MCF2L2: variants seen among roughly 807,000 people sequenced by gnomAD.
MCF2L2 encodes the protein probable guanine nucleotide exchange factor MCF2L2.
Under a neutral mutation model 150.2 loss-of-function variants are expected in MCF2L2, and 102 were observed. The observed-to-expected ratio is 0.68, with a 90% confidence interval of 0.58 to 0.80. The LOEUF (loss-of-function observed/expected upper bound fraction) is 0.80. Among genes scored for constraint, MCF2L2 ranks in the 30% least tolerant of loss-of-function variants. The pLI is 0.00. For missense variants in MCF2L2, 1,256 were observed against 1,372.8 expected (o/e 0.91, Z 1.34); for synonymous variants, 465 against 491.3 (o/e 0.95, Z 0.71).
intron 1 of MCF2L2, among the ~76,000 whole-genome samples, chr3:183,410,941 G>A (rs1163283887): frequency 3.9e-5 from 6 of 152,190 alleles, no homozygotes; most frequent in Admixed American, 3.9e-4. Flanking sequence ...ACCAGAGAGA[G>A]AACAGCTGTC....
intron 3 of MCF2L2, chr3:183,372,179 C>T (rs1712928680): frequency 6.6e-6 from 1 of 152,106 alleles, no homozygotes; most frequent in African/African-American, 2.4e-5. Context: ...GCCCAGATTG[C>T]ACTCACTTCT....
intron 10 of MCF2L2, among the ~76,000 whole-genome samples, chr3:183,309,078 G>C (rs1729237675): frequency 6.6e-6 from 1 of 152,186 alleles, no homozygotes; most frequent in Non-Finnish European, 1.5e-5. Context: ...ATGCTGACTT[G>C]TGTGCGGATC....
At chr3:183,330,440 T>G (rs1340758145) in intron 5 of MCF2L2, among the ~76,000 whole-genome samples, 1 of 150,854 alleles carries the variant, frequency 6.6e-6, no homozygotes. Context: ...TATGACTCTC[T>G]GCAAAAAGGC....
chr3:183,335,917 G>A (rs1730460503), intron 5 of MCF2L2, among the ~76,000 whole-genome samples: 2 of 152,110 alleles, frequency 1.3e-5, no homozygotes, highest in South Asian at 2.1e-4. Context: ...TGCTTCTTTT[G>A]CTCTTCCATT....
chr3:183,207,616 T>C lies in MCF2L2; in HGVS notation c.2704A>G (p.Thr902Ala), dbSNP rs6804951. Residue 902 changes from threonine to alanine, a missense_variant, in exon 23 of 30, where the codon ACC (threonine) becomes GCC (alanine). By Grantham distance (58) the Thr-to-Ala change is moderately conservative. Transcript: ENST00000328913. ...AATAGGACTCCCTTTACCTTCATGG[T>C]CTTCTTGAAGCTGTAATGAGGAGAT... ...GLSPHYSFKK[T>A]MKLMTLSIRQ... 1,490,264 of 1,612,398 alleles carry C rather than the reference T, an allele frequency of 0.92. 689,785 individuals are homozygous for C. The highest frequency in any genetic ancestry group is 1 in the East Asian group (44,877 of 44,882).
intron 3 of MCF2L2, among the ~76,000 whole-genome samples, chr3:183,353,834 G>T (rs776116889): frequency 5.3e-5 from 8 of 152,130 alleles, no homozygotes; most frequent in Admixed American, 1.3e-4. Flanking sequence ...AGGGTGTCCA[G>T]AAAATAAGGC....
chr3:183,185,404 C>T (rs576360262), intron 27 of MCF2L2, among the ~76,000 whole-genome samples: 4 of 152,346 alleles, frequency 2.6e-5, no homozygotes, highest in South Asian at 2.1e-4. Context: ...GAGATCTAGG[C>T]GCAAGCCTAA....
chr3:183,413,986 T>C (rs1006698282), intron 1 of MCF2L2, among the ~76,000 whole-genome samples: 1 of 152,204 alleles, frequency 6.6e-6, no homozygotes, highest in Non-Finnish European at 1.5e-5. Flanking sequence ...TTCAAACCTA[T>C]GTTGTTCAAG....
chr3:183,377,578 A>G (rs987325553), intron 3 of MCF2L2: 1 of 152,138 alleles, frequency 6.6e-6, no homozygotes, highest in Non-Finnish European at 1.5e-5. Context: ...ATTGGCCCCT[A>G]CTCTTAAGAA....
At chr3:183,215,911 T>G (rs1253487805) in intron 22 of MCF2L2, 58 bp downstream of exon 22, 6 of 1,537,704 alleles carry the variant, frequency 3.9e-6, no homozygotes, top group Admixed American at 1.9e-5. Flanking sequence ...ATTTCCTCAC[T>G]GTGTAGTATT....
chr3:183,337,882 A>G (rs1420036095), intron 5 of MCF2L2, among the ~76,000 whole-genome samples: 1 of 152,222 alleles, frequency 6.6e-6, no homozygotes, highest in Non-Finnish European at 1.5e-5. Flanking sequence ...TACCAAATCC[A>G]TTCCTACCAG....
rs1185066049 is a variant in MCF2L2, at chr3:183,326,512, A to C, written c.487-3161T>G. Among the ~76,000 whole-genome samples the C allele has an allele frequency of 3.5e-4, 47 of 136,012 alleles. 1 individual carries two copies. The highest frequency in any genetic ancestry group is 1.7e-3 in the Admixed American group (23 of 13,162). The allele number at this position is 136,012 out of a possible 152,430, so 89.2% of individuals were successfully genotyped here. A position where few individuals can be genotyped will look rare whatever the true frequency, so the allele number is the denominator to read the frequency against. On this transcript the variant is annotated intron_variant, in intron 5 of 29. Transcript: ENST00000328913. ...CGTCTCAAAAAAAAAAAAAAAAAAAAAAAACAAAAAAAAACCCACAAACCT... is the reference window on the plus strand; with the variant it reads ...CGTCTCAAAAAAAAAAAAAAAAAAACAAAACAAAAAAAAACCCACAAACCT...
intron 14 of MCF2L2, among the ~76,000 whole-genome samples, chr3:183,280,479 C>A (rs1287842499): frequency 6.6e-6 from 1 of 151,738 alleles, no homozygotes; most frequent in Middle Eastern, 3.2e-3. Context: ...ATTAACTTTT[C>A]CCCAAAGTTA....
intron 17 of MCF2L2, 22 bp from the exon 18 acceptor site, chr3:183,228,388 A>T: frequency 6.5e-7 from 1 of 1,532,826 alleles, no homozygotes; most frequent in African/African-American, 1.4e-5. Flanking sequence ...AAAGTATACA[A>T]GTAATAATGT....
intron 15 of MCF2L2, among the ~76,000 whole-genome samples, chr3:183,234,443 A>G (rs564973665): frequency 1.3e-5 from 2 of 152,210 alleles, no homozygotes; most frequent in Non-Finnish European, 2.9e-5. Context: ...TCTGGATTAC[A>G]GTTTGGAAAA....
At chr3:183,391,236 T>C (rs1019580223) in intron 1 of MCF2L2, among the ~76,000 whole-genome samples, 15 of 151,884 alleles carry the variant, frequency 9.9e-5, no homozygotes, top group African/African-American at 2.4e-4. Context: ...CAGACAGGCC[T>C]TTCCCAAATT....
At position 183,228,104 on chromosome 3, in the gene MCF2L2, T is replaced by A. The variant is rs185081635; in HGVS notation, c.2115+193A>T. ...CAGTAATCATTTCACAGGGTGTAAG[T>A]ATATCAAACCATCATGTTGTATAGT... On this transcript the variant is annotated intron_variant, in intron 18 of 29. Transcript: ENST00000328913. The A allele has an allele frequency of 4.5e-3, 2,507 of 552,728 alleles. 13 individuals carry two copies. The highest frequency in any genetic ancestry group is 6.5e-3 in the Non-Finnish European group (1,981 of 306,260). 34.2% of individuals were successfully genotyped at this position (552,728 alleles called of 1,614,324 possible).
chr3:183,349,072 G>A (rs1731011792), intron 3 of MCF2L2, among the ~76,000 whole-genome samples: 1 of 152,076 alleles, frequency 6.6e-6, no homozygotes, highest in East Asian at 1.9e-4. Context: ...CCATTGTCTG[G>A]GTCATAAAGC....
chr3:183,317,955 AAAG>A, intron 7 of MCF2L2, 110 bp downstream of exon 7: 2 of 1,336,798 alleles, frequency 1.5e-6, no homozygotes, highest in South Asian at 1.4e-5. Flanking sequence ...CCAAGTCACT[AAAG>A]AAGAAGGAAA....
Sources: gnomAD v4.1 joint callset for allele counts (sites outside exome capture counted in the v4.1 genomes callset) on GRCh38, gnomAD v4.1.1 for gene constraint, MANE v1.5 for transcripts, NCBI Gene and HGNC (gene_info 2026-07-23, HGNC 2026-07-21) for gene names.